Variants in CACNA2D3 observed in about 807,000 individuals in gnomAD.
The protein encoded by CACNA2D3 is voltage-dependent calcium channel subunit alpha-2/delta-3.
CACNA2D3 carries 60 observed loss-of-function variants against 160.6 expected under a neutral mutation model. The ratio of observed to expected loss-of-function variants is 0.37; its 90% CI spans 0.30 to 0.46. The LOEUF (loss-of-function observed/expected upper bound fraction) is 0.46. Among genes scored for constraint, CACNA2D3 ranks in the 20% least tolerant of loss-of-function variants. CACNA2D3 has a pLI of 1.00. For synonymous variants in CACNA2D3, 558 were observed against 492.9 expected (o/e 1.13, Z -1.75); for missense variants, 1,205 against 1,365.0 (o/e 0.88, Z 1.85).
chr3:54,311,173 C>T (rs1475593022), intron 2 of CACNA2D3, among the ~76,000 whole-genome samples: 1 of 152,152 alleles, frequency 6.6e-6, no homozygotes, highest in Non-Finnish European at 1.5e-5. Context: ...GGTCAGCTAT[C>T]TTCACTAGGA....
intron 27 of CACNA2D3, chr3:54,966,838 C>G (rs189714702): frequency 4.6e-5 from 7 of 152,270 alleles, no homozygotes; most frequent in African/African-American, 1.7e-4. Context: ...AACAAACAAA[C>G]GATTCGCATA....
chr3:54,812,707 G>T (rs2106703994), intron 13 of CACNA2D3, among the ~76,000 whole-genome samples: 1 of 152,298 alleles, frequency 6.6e-6, no homozygotes, highest in South Asian at 2.1e-4. Context: ...TGCTGCTATT[G>T]TGTGGTCGTG....
intron 29 of CACNA2D3, among the ~76,000 whole-genome samples, chr3:54,974,491 T>G (rs1702340744): frequency 1.3e-5 from 2 of 152,216 alleles, no homozygotes; most frequent in African/African-American, 2.4e-5. Flanking sequence ...TACACAAGGT[T>G]AGTACTGCCA....
intron 2 of CACNA2D3, among the ~76,000 whole-genome samples, chr3:54,125,127 A>C (rs968923679): frequency 2.6e-5 from 4 of 152,206 alleles, no homozygotes; most frequent in Non-Finnish European, 4.4e-5. Flanking sequence ...TAGTTGTAGC[A>C]ACTCTAAAAG....
intron 3 of CACNA2D3, among the ~76,000 whole-genome samples, chr3:54,351,147 A>G (rs1056301475): frequency 2.0e-5 from 3 of 151,438 alleles, no homozygotes; most frequent in African/African-American, 7.3e-5. Context: ...ATGCCCGGCT[A>G]ATTTTTGTAC....
chr3:54,144,757 G>C (rs1227608321), intron 2 of CACNA2D3, among the ~76,000 whole-genome samples: 1 of 152,220 alleles, frequency 6.6e-6, no homozygotes, highest in Non-Finnish European at 1.5e-5. Flanking sequence ...TGCACTTACG[G>C]AGTTATTATG....
intron 2 of CACNA2D3, among the ~76,000 whole-genome samples, chr3:54,308,657 A>C (rs1703662574): frequency 6.6e-6 from 1 of 152,148 alleles, no homozygotes; most frequent in Non-Finnish European, 1.5e-5. Flanking sequence ...TTAACTAATA[A>C]ACTCCTTGGT....
At chr3:54,969,519 C>G (rs2107069942) in intron 28 of CACNA2D3, among the ~76,000 whole-genome samples, 1 of 152,240 alleles carries the variant, frequency 6.6e-6, no homozygotes, top group African/African-American at 2.4e-5. Flanking sequence ...CTTGGCCTCC[C>G]AAAGTGCAGG....
chr3:54,920,169 A>AG (rs1312168809), intron 27 of CACNA2D3, among the ~76,000 whole-genome samples: 6 of 152,238 alleles, frequency 3.9e-5, no homozygotes, highest in Non-Finnish European at 8.8e-5. Context: ...ACATATGTAG[A>AG]GGGCATCACT....
chr3:54,602,591 A>G (rs903189758), intron 9 of CACNA2D3, among the ~76,000 whole-genome samples: 4 of 152,026 alleles, frequency 2.6e-5, no homozygotes, highest in Non-Finnish European at 5.9e-5. Context: ...AGCACAGAGC[A>G]TATGTGAATT....
intron 11 of CACNA2D3, among the ~76,000 whole-genome samples, chr3:54,691,559 A>C (rs887946151): frequency 1.3e-5 from 2 of 152,234 alleles, no homozygotes; most frequent in Non-Finnish European, 2.9e-5. Flanking sequence ...AATGCCAAAA[A>C]AAAGGTGCCG....
intron 2 of CACNA2D3, among the ~76,000 whole-genome samples, chr3:54,229,630 C>T (rs55657967): frequency 0.016 from 2,392 of 152,264 alleles, 41 homozygotes; most frequent in African/African-American, 0.043. Context: ...TCACCATGCC[C>T]GGCCTAAAGT....
intron 4 of CACNA2D3, among the ~76,000 whole-genome samples, chr3:54,474,287 C>T (rs898184076): frequency 2.6e-5 from 4 of 152,166 alleles, no homozygotes; most frequent in African/African-American, 9.6e-5. Context: ...TCTCAGCAAA[C>T]TAACACGGGA....
chr3:54,403,585 A>G (rs1699513638), intron 4 of CACNA2D3, among the ~76,000 whole-genome samples: 1 of 152,224 alleles, frequency 6.6e-6, no homozygotes, highest in Non-Finnish European at 1.5e-5. Context: ...TTACACCTCA[A>G]GGAACTAGAA....
intron 13 of CACNA2D3, among the ~76,000 whole-genome samples, chr3:54,794,703 T>C (rs978829692): frequency 3.3e-5 from 5 of 152,060 alleles, no homozygotes; most frequent in African/African-American, 9.6e-5. Context: ...TGTTTTCTTA[T>C]AATACTTGAA....
At position 54,286,466 on chromosome 3, in the gene CACNA2D3, T is replaced by A. The variant is rs1289658014; in HGVS notation, c.205-33976T>A. Among the ~76,000 whole-genome samples, 5 of 152,288 alleles carry A rather than the reference T, an allele frequency of 3.3e-5. No homozygotes were observed. The South Asian group carries it at 6.2e-4, about 19-fold the overall frequency. ...ATCTACGTCTGAATGGTGTACCTGA[T>A]AGTGATGGGGAGAATGGAACCAAGT... On this transcript the variant is annotated intron_variant, in intron 2 of 37. Transcript: ENST00000474759.
chr3:54,434,877 C>A (rs559534566), intron 4 of CACNA2D3, among the ~76,000 whole-genome samples: 3 of 152,110 alleles, frequency 2.0e-5, no homozygotes, highest in African/African-American at 7.2e-5. Flanking sequence ...CTGTGCTAGG[C>A]GGCCTTATCT....
At chr3:54,233,338 C>A (rs980494258) in intron 2 of CACNA2D3, among the ~76,000 whole-genome samples, 1 of 152,178 alleles carries the variant, frequency 6.6e-6, no homozygotes, top group African/African-American at 2.4e-5. Context: ...AGCCACAGAA[C>A]AATCACCCAC....
At chr3:54,480,586 A>T (rs2106898579) in intron 4 of CACNA2D3, among the ~76,000 whole-genome samples, 1 of 152,322 alleles carries the variant, frequency 6.6e-6, no homozygotes, top group South Asian at 2.1e-4. Context: ...TAAAGAATAT[A>T]AAATATGTAT....
Sources: allele counts gnomAD v4.1 joint callset (sites outside exome capture counted in the v4.1 genomes callset), GRCh38; gene constraint gnomAD v4.1.1; transcripts MANE v1.5; gene names NCBI Gene and HGNC (gene_info 2026-07-23, HGNC 2026-07-21).